The following ANKRD13C variants were observed in gnomAD, a reference collection of about 807,000 sequenced individuals.
ANKRD13C encodes the protein ankyrin repeat domain 13C.
Under a neutral mutation model 65.5 loss-of-function variants are expected in ANKRD13C, and 16 were observed. That is an observed-to-expected ratio of 0.24 (90% confidence interval 0.17 to 0.37). ANKRD13C has a LOEUF of 0.37. ANKRD13C is among the 10% of genes least tolerant of loss of function. The pLI is 1.00. For missense variants in ANKRD13C, 503 were observed against 655.9 expected, an observed-to-expected ratio of 0.77 and a Z score of 2.55; for synonymous variants, 235 against 238.7, an observed-to-expected ratio of 0.98 and a Z score of 0.14.
intron 6 of ANKRD13C, among the ~76,000 whole-genome samples, chr1:70,304,694 C>T (rs1369210901): frequency 3.3e-5 from 5 of 152,114 alleles, no homozygotes; most frequent in Admixed American, 1.3e-4. Context: ...TCACCACACC[C>T]GGCCTAAAAC....
Position 70,324,940 on chromosome 1 carries a change from A to G in ANKRD13C, c.490T>C (p.Leu164=). The change falls in exon 3 of 13, where the codon TTG becomes CTG. Residue 164 remains leucine, a synonymous_variant. Transcript: ENST00000370944. ...ACCTTGACTGGAGCATTGTGAGCCAAAAGTAAATGGGCACATTCTGCAATA... is the reference window on the plus strand; with the variant it reads ...ACCTTGACTGGAGCATTGTGAGCCAGAAGTAAATGGGCACATTCTGCAATA... ...LGNKECAHLL[L]AHNAPVKVKN... 10 of 1,611,204 alleles carry G rather than the reference A, an allele frequency of 6.2e-6. No homozygotes were observed. Among genetic ancestry groups the G allele is most frequent in the Non-Finnish European group, 7.6e-6 (9 of 1,178,326 alleles).
intron 2 of ANKRD13C, among the ~76,000 whole-genome samples, chr1:70,333,690 C>T (rs1681902930): frequency 6.6e-6 from 1 of 152,076 alleles, no homozygotes. Flanking sequence ...AACTTAGGAT[C>T]CTAAAAGAAT....
At chr1:70,350,001 G>T (rs555784236) in intron 1 of ANKRD13C, among the ~76,000 whole-genome samples, 2 of 152,040 alleles carry the variant, frequency 1.3e-5, no homozygotes, top group African/African-American at 4.8e-5. Flanking sequence ...AAAATTAGCC[G>T]GTGTGGTGGT....
chr1:70,342,755 C>T (rs1682370315), intron 1 of ANKRD13C, among the ~76,000 whole-genome samples: 1 of 151,340 alleles, frequency 6.6e-6, no homozygotes, highest in African/African-American at 2.4e-5. Context: ...CACACACACA[C>T]ACACACACAC....
At chr1:70,326,950 C>T (rs1303506677) in intron 2 of ANKRD13C, among the ~76,000 whole-genome samples, 1 of 150,852 alleles carries the variant, frequency 6.6e-6, no homozygotes, top group East Asian at 1.9e-4. Context: ...CAGAATAATG[C>T]AATGCTACCT....
chr1:70,333,669 A>G (rs554524233), intron 2 of ANKRD13C, among the ~76,000 whole-genome samples: 1 of 152,346 alleles, frequency 6.6e-6, no homozygotes, highest in South Asian at 2.1e-4. Context: ...AGCAGTGAAC[A>G]CCAGAAAGTC....
intron 3 of ANKRD13C, among the ~76,000 whole-genome samples, chr1:70,318,603 A>C (rs1014867449): frequency 7.2e-5 from 11 of 152,006 alleles, no homozygotes; most frequent in Admixed American, 2.0e-4. Context: ...TCCATAATAG[A>C]GACCTTAGAG....
At chr1:70,308,541 G>T (rs1394084042) in intron 5 of ANKRD13C, among the ~76,000 whole-genome samples, 2 of 151,618 alleles carry the variant, frequency 1.3e-5, no homozygotes, top group South Asian at 4.2e-4. Context: ...AGATGAAGAC[G>T]GTCCTGGCTA....
chr1:70,330,360 C>T lies in ANKRD13C; in HGVS notation c.473-5403G>A, dbSNP rs541977625. On this transcript the variant is annotated intron_variant, in intron 2 of 12. Coordinates refer to ENST00000370944, the MANE Select transcript of ANKRD13C (RefSeq NM_030816.5). The stretch of plus-strand genomic sequence containing the variant: ...ATCACCTGAGGTACGGGGTTTGAGA[C>T]CTGTCTGGCCAACATGGCAAAACCC... Among the ~76,000 whole-genome samples the T allele has an allele frequency of 1.2e-4, 18 of 151,948 alleles. No individual in the cohort carries two copies. In the South Asian group the frequency reaches 3.7e-3, roughly 32 times the overall value.
intron 5 of ANKRD13C, among the ~76,000 whole-genome samples, chr1:70,311,410 G>C (rs1680844723): frequency 6.6e-6 from 1 of 152,174 alleles, no homozygotes; most frequent in Admixed American, 6.5e-5. Flanking sequence ...AGGAGGTGGA[G>C]GTTGCAGTGA....
chr1:70,278,442 GAGATCACACCACTGCACTCCATGACCCA>G (rs1282927704), intron 9 of ANKRD13C, among the ~76,000 whole-genome samples: 3 of 150,996 alleles, frequency 2.0e-5, no homozygotes, highest in Non-Finnish European at 4.4e-5. Context: ...GCAGTGACCT[GAGATCACACCACTGCACTCCATGACCCA>G]AGATCACACC....
At chr1:70,303,599 T>A (rs1354661147) in intron 6 of ANKRD13C, among the ~76,000 whole-genome samples, 1 of 152,206 alleles carries the variant, frequency 6.6e-6, no homozygotes, top group Non-Finnish European at 1.5e-5. Flanking sequence ...TTGCTCACAC[T>A]TTCCTATTTC....
chr1:70,285,483 C>T (rs1398898876), intron 9 of ANKRD13C, among the ~76,000 whole-genome samples: 1 of 152,126 alleles, frequency 6.6e-6, no homozygotes, highest in Non-Finnish European at 1.5e-5. Flanking sequence ...GCGTAAGCCA[C>T]TGCACCCAGC....
chr1:70,295,538 G>A lies in ANKRD13C; in HGVS notation c.1053+592C>T, dbSNP rs560420049. ...TGGGATTACATGCATAAGCCACCAC[G>A]CCTAGCCTCAAAATTTTCCGAATAT... On this transcript the variant is annotated intron_variant, in intron 8 of 12. Coordinates refer to ENST00000370944, the MANE Select transcript of ANKRD13C (RefSeq NM_030816.5). 1.6e-4 allele frequency among the ~76,000 whole-genome samples: 25 copies of A among 152,128 alleles called. No individual in the cohort carries two copies. In the South Asian group the frequency reaches 4.2e-3, roughly 25 times the overall value.
At chr1:70,283,169 T>C (rs1679470980) in intron 9 of ANKRD13C, among the ~76,000 whole-genome samples, 1 of 152,162 alleles carries the variant, frequency 6.6e-6, no homozygotes, top group Non-Finnish European at 1.5e-5. Flanking sequence ...GAATCCCAAA[T>C]AGATTCAAAG....
intron 2 of ANKRD13C, among the ~76,000 whole-genome samples, chr1:70,326,470 G>T (rs574315981): frequency 1.3e-5 from 2 of 152,192 alleles, no homozygotes; most frequent in East Asian, 1.9e-4. Context: ...AAATAAGAGT[G>T]TTAAGACAGT....
chr1:70,302,957 G>A (rs2101369152), intron 6 of ANKRD13C, among the ~76,000 whole-genome samples: 1 of 152,230 alleles, frequency 6.6e-6, no homozygotes, highest in Non-Finnish European at 1.5e-5. Context: ...CCCATCATAG[G>A]TGAAAGTGGT....
At chr1:70,338,344 C>T (rs1682149662) in intron 1 of ANKRD13C, among the ~76,000 whole-genome samples, 1 of 152,174 alleles carries the variant, frequency 6.6e-6, no homozygotes, top group Non-Finnish European at 1.5e-5. Flanking sequence ...GCACAGTTTT[C>T]ATCCTACTAC....
chr1:70,286,700 A>C (rs1174936732), intron 9 of ANKRD13C, among the ~76,000 whole-genome samples: 1 of 152,194 alleles, frequency 6.6e-6, no homozygotes, highest in Non-Finnish European at 1.5e-5. Context: ...AAGACTACAG[A>C]ATAGGCCAGG....
Sources: gnomAD v4.1 joint callset for allele counts (sites outside exome capture counted in the v4.1 genomes callset) on GRCh38, gnomAD v4.1.1 for gene constraint, MANE v1.5 for transcripts, NCBI Gene and HGNC (gene_info 2026-07-23, HGNC 2026-07-21) for gene names.